Variants in ADAMTSL2 observed in about 807,000 individuals in gnomAD.
The protein encoded by ADAMTSL2 is ADAMTS like 2.
ADAMTSL2 carries 55 observed loss-of-function variants against 117.0 expected under a neutral mutation model. The ratio of observed to expected loss-of-function variants is 0.47; its 90% CI spans 0.38 to 0.59. ADAMTSL2 has a LOEUF of 0.59. ADAMTSL2 is among the 20% of genes least tolerant of loss of function. The pLI is 0.00. For synonymous variants in ADAMTSL2, 572 were observed against 566.4 expected (o/e 1.01, Z -0.14); for missense variants, 1,182 against 1,354.5 (o/e 0.87, Z 2.00).
chr9:133,555,523 T>C, intron 10 of ADAMTSL2, 35 bp from the exon 11 acceptor site: 1 of 1,612,758 alleles, frequency 6.2e-7, no homozygotes, highest in Non-Finnish European at 8.5e-7. Context: ...AGGGCTCGGA[T>C]GTGCCCACGG....
At chr9:133,568,826 T>C in intron 15 of ADAMTSL2, 68 bp downstream of exon 15, 1 of 1,602,498 alleles carries the variant, frequency 6.2e-7, no homozygotes, top group Non-Finnish European at 8.5e-7. Context: ...TGCCTTGATG[T>C]GCCTCAGTTT....
Position 133,558,525 on chromosome 9 carries a change from G to A in ADAMTSL2, c.1649+2595G>A, listed in dbSNP as rs1564505681. Among the ~76,000 whole-genome samples the A allele has an allele frequency of 6.6e-6, 1 of 152,212 alleles. No homozygotes were observed. The highest frequency in any genetic ancestry group is 1.9e-4 in the East Asian group (1 of 5,192). On this transcript the variant is annotated intron_variant, in intron 11 of 18. Transcript: ENST00000651351. The surrounding 1 kb of genome is among the most constrained non-coding windows in gnomAD (Gnocchi z 4.3). ...ACACAGAGACGCGGAGTCCCTCTCC[G>A]CAGCCTTGGGGGGAGAGAAGAACAG... is the stretch of plus-strand genomic sequence containing the variant.
chr9:133,567,530 T>C (rs1010047653), intron 13 of ADAMTSL2, among the ~76,000 whole-genome samples: 4 of 152,190 alleles, frequency 2.6e-5, no homozygotes, highest in Non-Finnish European at 5.9e-5. Context: ...CTACACCTAG[T>C]GACAAGTGGG....
chr9:133,568,778 G>T lies in ADAMTSL2; in HGVS notation c.2244+20G>T. ...GGACCGGTGAGGCCTGCACTGAGGGGTGGCTGGGCGTGCGGCTGGTGAGGG... is the reference window on the plus strand; with the variant it reads ...GGACCGGTGAGGCCTGCACTGAGGGTTGGCTGGGCGTGCGGCTGGTGAGGG... On this transcript the variant is annotated intron_variant, in intron 15 of 18. Coordinates refer to ENST00000651351, the MANE Select transcript of ADAMTSL2 (RefSeq NM_014694.4). The T allele has an allele frequency of 1.2e-6, 2 of 1,612,808 alleles. No homozygotes were observed. Among genetic ancestry groups the T allele is most frequent in the South Asian group, 1.1e-5 (1 of 91,074 alleles).
At position 133,554,103 on chromosome 9, in the gene ADAMTSL2, G is replaced by C. The variant is rs1019242413; in HGVS notation, c.940-254G>C. On this transcript the variant is annotated intron_variant, in intron 9 of 18. Transcript: ENST00000651351. The surrounding 1 kb of genome is among the most constrained non-coding windows in gnomAD (Gnocchi z 5.2). ...CGTGCCTGGAAGACTGTGACGCCTT[G>C]TTGCCTGTACCCAGGGTGGGCCACT... 2.0e-5 allele frequency among the ~76,000 whole-genome samples: 3 copies of C among 152,236 alleles called. No individual in the cohort carries two copies. Among genetic ancestry groups the C allele is most frequent in the Non-Finnish European group, 4.4e-5 (3 of 68,040 alleles).
In ADAMTSL2 at chr9:133,569,422, C is replaced by T. The variant is rs956330703; in HGVS notation, c.2259C>T (p.Cys753=). ...VSDWGPCSGS[C]GQGRTIRHVY... is the part of the protein sequence containing the mutation. The stretch of plus-strand genomic sequence containing the variant: ...CTCCCCTGCAGTGCAGTGGAAGCTG[C>T]GGGCAAGGCCGCACCATCAGGCACG... The change falls in exon 16 of 19, where the codon TGC becomes TGT. Residue 753 remains cysteine (C), a synonymous_variant. Coordinates refer to ENST00000651351, the MANE Select transcript of ADAMTSL2 (RefSeq NM_014694.4). 24 of 1,613,424 alleles carry T rather than the reference C, an allele frequency of 1.5e-5. No homozygotes were observed. The highest frequency in any genetic ancestry group is 1.2e-4 in the African/African-American group (9 of 75,054).
chr9:133,544,223 C>G (rs957034049), intron 7 of ADAMTSL2, among the ~76,000 whole-genome samples: 1 of 152,142 alleles, frequency 6.6e-6, no homozygotes, highest in Non-Finnish European at 1.5e-5. Context: ...TCGGGAGGGG[C>G]TGGGGCAAGC....
chr9:133,561,398 T>C, intron 12 of ADAMTSL2, 103 bp downstream of exon 12: 1 of 1,087,258 alleles, frequency 9.2e-7, no homozygotes, highest in South Asian at 1.3e-5. Flanking sequence ...GCCCCCAAAC[T>C]GCCCTCGGGG....
chr9:133,567,755 G>A (rs907040930), intron 13 of ADAMTSL2, among the ~76,000 whole-genome samples: 4 of 152,214 alleles, frequency 2.6e-5, no homozygotes, highest in African/African-American at 9.6e-5. Flanking sequence ...CCCGGGGGTG[G>A]GGTCCAGCAG....
Position 133,568,336 on chromosome 9 carries a change from C to T in ADAMTSL2, c.1938C>T (p.Val646=), listed in dbSNP as rs1039910880. Residue 646 remains valine (V), a synonymous_variant, in exon 14 of 19, where the codon GTC becomes GTT. Transcript: ENST00000651351. ...GCGGAGAGGGCTACCAGTTCCGCGT[C>T]GTGCGCTGCTGGAAGATGCTCTCGC... is the stretch of plus-strand genomic sequence containing the variant. ...RTCGEGYQFR[V]VRCWKMLSPG... is the part of the protein sequence containing the mutation. The T allele has an allele frequency of 2.9e-5, 46 of 1,587,436 alleles. No homozygotes were observed. The highest frequency in any genetic ancestry group is 2.3e-4 in the South Asian group (20 of 87,242).
rs1329385363 is a variant in ADAMTSL2 at position 133,557,508 on chromosome 9, G to A, written c.1649+1578G>A. ...TCTCAGGACTCGGGCGGGGAGGGCC[G>A]GGCCTTGCTTTGGGTATAGTGTCTG... On this transcript the variant is annotated intron_variant, in intron 11 of 18. Transcript: ENST00000651351. The surrounding 1 kb of genome is among the most constrained non-coding windows in gnomAD (Gnocchi z 5.2). Among the ~76,000 whole-genome samples the A allele has an allele frequency of 6.6e-6, 1 of 152,158 alleles. No homozygotes were observed. Among genetic ancestry groups the A allele is most frequent in the Non-Finnish European group, 1.5e-5 (1 of 68,012 alleles).
rs1481073688 is a variant in ADAMTSL2, at chr9:133,558,095, A to G, written c.1649+2165A>G. 6.6e-6 allele frequency among the ~76,000 whole-genome samples: 1 copy of G among 151,652 alleles called. No individual in the cohort carries two copies. Among genetic ancestry groups the G allele is most frequent in the Non-Finnish European group, 1.5e-5 (1 of 67,942 alleles). On this transcript the variant is annotated intron_variant, in intron 11 of 18. Coordinates refer to ENST00000651351, the MANE Select transcript of ADAMTSL2 (RefSeq NM_014694.4). The surrounding 1 kb of genome is among the most constrained non-coding windows in gnomAD (Gnocchi z 4.3). ...TCCTGCCCCATCTTGGTTGACTCTT[A>G]CCCTCCCCTCTTAGCCCCCCGCCCC...
chr9:133,548,893 A>G (rs1273139462), intron 9 of ADAMTSL2, among the ~76,000 whole-genome samples: 1 of 152,080 alleles, frequency 6.6e-6, no homozygotes, highest in Non-Finnish European at 1.5e-5. Context: ...CCCCTCTAGA[A>G]TTGCATTGGT....
chr9:133,554,554 G>A lies in ADAMTSL2; in HGVS notation c.1137G>A (p.Leu379=), dbSNP rs1052592021. The stretch of plus-strand genomic sequence containing the variant: ...ACGGCCAGGCCTCCTCAGAGCGGCT[G>A]GGCCTGGACAACCGGCTGTTCGGCC... ...SLYGQASSER[L]GLDNRLFGHP... The change falls in exon 10 of 19, where the codon CTG becomes CTA. Residue 379 remains leucine (L), a synonymous_variant. Coordinates refer to ENST00000651351, the MANE Select transcript of ADAMTSL2 (RefSeq NM_014694.4). This position sits in a 1 kb window ranked among gnomAD's most constrained non-coding sequence, Gnocchi z 5.2. 4.4e-4 allele frequency: 678 copies of A among 1,547,540 alleles called. 9 individuals are homozygous for A. In the East Asian group the frequency reaches 0.016, roughly 37 times the overall value.
intron 9 of ADAMTSL2, among the ~76,000 whole-genome samples, chr9:133,553,637 C>T (rs989091392): frequency 5.9e-5 from 9 of 152,198 alleles, no homozygotes; most frequent in Non-Finnish European, 1.5e-5. Flanking sequence ...GGCATTTCTA[C>T]GTGGGCCCTC....
intron 17 of ADAMTSL2, among the ~76,000 whole-genome samples, chr9:133,572,172 G>GCCACCCC (rs1330759598): frequency 0.022 from 450 of 20,414 alleles, no homozygotes; most frequent in Middle Eastern, 0.077. Context: ...ACCCTGCCCC[G>GCCACCCC]CCACCCCCCA....
intron 17 of ADAMTSL2, among the ~76,000 whole-genome samples, chr9:133,571,167 C>A (rs954703571): frequency 6.6e-6 from 1 of 152,218 alleles, no homozygotes; most frequent in African/African-American, 2.4e-5. Flanking sequence ...TCACCCAGTT[C>A]TTTGCCTGAA....
chr9:133,540,747 G>C lies in ADAMTSL2; in HGVS notation c.558+4G>C. 6.2e-7 allele frequency: 1 copy of C among 1,613,840 alleles called. No homozygotes were observed. Among genetic ancestry groups the C allele is most frequent in the Non-Finnish European group, 8.5e-7 (1 of 1,180,046 alleles). ...TTGCGTGTCTGGAAAATGTGAGGTT[G>C]TTAAACGTTGTAGCAAAAGTACCGC... On this transcript the variant is annotated splice_donor_region_variant and intron_variant, in intron 6 of 18. Coordinates refer to ENST00000651351, the MANE Select transcript of ADAMTSL2 (RefSeq NM_014694.4).
At position 133,574,975 on chromosome 9, in the gene ADAMTSL2, G is replaced by T; in HGVS notation, c.*111G>T. ...TCCTGCGGGGCACGCTGGCCTAAGA[G>T]ACGTGGCACTGAGCCTCGGCTGTCG... is the stretch of plus-strand genomic sequence containing the variant. On this transcript the variant is annotated 3_prime_UTR_variant, in exon 19 of 19. Coordinates refer to ENST00000651351, the MANE Select transcript of ADAMTSL2 (RefSeq NM_014694.4). 1 of 826,518 alleles carries T rather than the reference G, an allele frequency of 1.2e-6. No homozygotes were observed. The highest frequency in any genetic ancestry group is 2.0e-6 in the Non-Finnish European group (1 of 489,406). The allele number at this position is 826,518 out of a possible 1,614,324, so 51.2% of individuals were successfully genotyped here. A position where few individuals can be genotyped will look rare whatever the true frequency, so the allele number is the denominator to read the frequency against.
Sources: allele counts gnomAD v4.1 joint callset (sites outside exome capture counted in the v4.1 genomes callset), GRCh38; gene constraint gnomAD v4.1.1; non-coding constraint Gnocchi (gnomAD v3.1); transcripts MANE v1.5; gene names NCBI Gene and HGNC (gene_info 2026-07-23, HGNC 2026-07-21).